The following EEIG2 variants were observed in gnomAD, a reference collection of about 807,000 sequenced individuals.
The protein encoded by EEIG2 is EEIG family member 2.
At chr1:108,621,122 A>C in the EEIG2 span, among the ~76,000 whole-genome samples, 2 of 152,234 alleles carry the variant, frequency 1.3e-5, no homozygotes, top group African/African-American at 4.8e-5. Context: ...TTGTCGTTTT[A>C]TGAGGTCATT....
At chr1:108,580,638 G>A in the EEIG2 span, among the ~76,000 whole-genome samples, 1 of 152,076 alleles carries the variant, frequency 6.6e-6, no homozygotes, top group African/African-American at 2.4e-5. Context: ...AAATCTTAGT[G>A]GTTGGACAGA....
chr1:108,565,028 A>C, the EEIG2 span, among the ~76,000 whole-genome samples: 2 of 152,214 alleles, frequency 1.3e-5, no homozygotes, highest in Non-Finnish European at 2.9e-5. Flanking sequence ...TTTTCAATGA[A>C]GAGATTGGAA....
At chr1:108,614,178 T>C in the EEIG2 span, among the ~76,000 whole-genome samples, 1 of 126,280 alleles carries the variant, frequency 7.9e-6, no homozygotes, top group Non-Finnish European at 1.6e-5. Flanking sequence ...AAGACCAGTC[T>C]GGGCAACATA....
chr1:108,579,762 T>TGAGAGAGAGAGAGAGAGAGA, the EEIG2 span, among the ~76,000 whole-genome samples: 1 of 22,908 alleles, frequency 4.4e-5, no homozygotes, highest in Non-Finnish European at 1.2e-4. Flanking sequence ...TGTGTGTGTG[T>TGAGAGAGAGAGAGAGAGAGA]GTGTGTGTGT....
chr1:108,568,346 C>T, the EEIG2 span, among the ~76,000 whole-genome samples: 3 of 151,980 alleles, frequency 2.0e-5, no homozygotes, highest in Non-Finnish European at 4.4e-5. Context: ...AAATTATGTT[C>T]GGTTTGGGGT....
At chr1:108,631,364 A>T in the EEIG2 span, among the ~76,000 whole-genome samples, 1 of 152,244 alleles carries the variant, frequency 6.6e-6, no homozygotes, top group Non-Finnish European at 1.5e-5. Context: ...ACAGTAGCAG[A>T]GCTGAGTGGT....
the EEIG2 span, among the ~76,000 whole-genome samples, chr1:108,574,010 T>G: frequency 6.6e-6 from 1 of 152,198 alleles, no homozygotes. Context: ...CAGCAATTCT[T>G]CTGGATGTAT....
chr1:108,622,153 C>T, the EEIG2 span, among the ~76,000 whole-genome samples: 1 of 151,626 alleles, frequency 6.6e-6, no homozygotes, highest in Non-Finnish European at 1.5e-5. Flanking sequence ...GAAACTCCGT[C>T]TCAAAAAAGA....
the EEIG2 span, among the ~76,000 whole-genome samples, chr1:108,613,274 T>C: frequency 6.6e-6 from 1 of 152,158 alleles, no homozygotes; most frequent in East Asian, 1.9e-4. Context: ...CTTGCCCATA[T>C]CTCCATGAGA....
chr1:108,574,967 A>G, the EEIG2 span, among the ~76,000 whole-genome samples: 1 of 152,240 alleles, frequency 6.6e-6, no homozygotes, highest in Non-Finnish European at 1.5e-5. Flanking sequence ...TGCAGTAGCA[A>G]TGATGAGTTC....
chr1:108,577,041 T>A, the EEIG2 span, among the ~76,000 whole-genome samples: 1 of 146,936 alleles, frequency 6.8e-6, no homozygotes, highest in Admixed American at 6.8e-5. Context: ...ATTTCTCTGA[T>A]GGCCAGTGAT....
the EEIG2 span, among the ~76,000 whole-genome samples, chr1:108,617,101 G>A: frequency 6.6e-6 from 1 of 152,162 alleles, no homozygotes; most frequent in Admixed American, 6.5e-5. Flanking sequence ...TTCTTGGCAC[G>A]TTCAAGTAGC....
chr1:108,572,969 A>G, the EEIG2 span, among the ~76,000 whole-genome samples: 3 of 152,178 alleles, frequency 2.0e-5, no homozygotes, highest in Non-Finnish European at 2.9e-5. Flanking sequence ...GAATAATAGT[A>G]ATTATCTGGA....
the EEIG2 span, among the ~76,000 whole-genome samples, chr1:108,632,178 G>GT: frequency 6.8e-5 from 10 of 147,382 alleles, no homozygotes; most frequent in Admixed American, 5.4e-4. Flanking sequence ...CTTAAAACTA[G>GT]TAAGTGGTAA....
chr1:108,620,677 A>T, the EEIG2 span, among the ~76,000 whole-genome samples: 20,791 of 152,146 alleles, frequency 0.14, 2,067 homozygotes, highest in African/African-American at 0.28. Context: ...TCAATTCTTA[A>T]AACTCTGTAA....
the EEIG2 span, chr1:108,634,989 G>A: frequency 1.8e-5 from 16 of 894,078 alleles, 1 homozygote; most frequent in South Asian, 2.4e-4. Flanking sequence ...TAAACGTTAT[G>A]GAAATCAAAT....
At chr1:108,568,232 G>A in the EEIG2 span, among the ~76,000 whole-genome samples, 6 of 152,110 alleles carry the variant, frequency 3.9e-5, no homozygotes, top group African/African-American at 1.4e-4. Context: ...CAAATATTGG[G>A]AGAAAAGATC....
At chr1:108,624,593 T>C in the EEIG2 span, 1 of 1,516,848 alleles carries the variant, frequency 6.6e-7, no homozygotes, top group East Asian at 2.3e-5. Flanking sequence ...CAATAACTAT[T>C]GTAAACTTTG....
At chr1:108,596,460 C>T in the EEIG2 span, among the ~76,000 whole-genome samples, 2 of 152,072 alleles carry the variant, frequency 1.3e-5, no homozygotes, top group African/African-American at 4.8e-5. Context: ...ATGTTTGTCA[C>T]TTTAGCACAA....
Sources: gnomAD v4.1 joint callset for allele counts (sites outside exome capture counted in the v4.1 genomes callset) on GRCh38, gnomAD v4.1.1 for gene constraint, MANE v1.5 for transcripts, NCBI Gene and HGNC (gene_info 2026-07-23, HGNC 2026-07-21) for gene names.